UNC13C: variants seen among roughly 807,000 people sequenced by gnomAD.
UNC13C encodes protein unc-13 homolog C.
UNC13C carries 174 observed loss-of-function variants against 245.4 expected under a neutral mutation model. That is an observed-to-expected ratio of 0.71 (90% CI 0.63 to 0.80). The LOEUF is 0.80. UNC13C is among the 30% of genes least tolerant of loss of function. The pLI is 0.00. For synonymous variants in UNC13C, 992 were observed against 895.1 expected (o/e 1.11, Z -1.93); for missense variants, 2,829 against 2,602.9 (o/e 1.09, Z -1.89).
chr15:54,240,375 T>G (rs28550623), intron 7 of UNC13C, among the ~76,000 whole-genome samples: 1 of 152,134 alleles, frequency 6.6e-6, no homozygotes, highest in Non-Finnish European at 1.5e-5. Context: ...AATTTGCACT[T>G]CTTGGTGCTG....
chr15:54,184,285 CTTTAAG>C (rs1340424685), intron 4 of UNC13C, among the ~76,000 whole-genome samples: 2 of 151,930 alleles, frequency 1.3e-5, no homozygotes, highest in African/African-American at 4.8e-5. Flanking sequence ...TATTATTATA[CTTTAAG>C]TTTCAGGGTA....
chr15:54,218,792 A>G (rs1009204619), intron 4 of UNC13C, among the ~76,000 whole-genome samples: 5 of 151,968 alleles, frequency 3.3e-5, no homozygotes, highest in Admixed American at 3.3e-4. Flanking sequence ...ACTATTGATG[A>G]GGAGCTTCAG....
intron 4 of UNC13C, among the ~76,000 whole-genome samples, chr15:54,177,074 C>G (rs1280940679): frequency 6.6e-6 from 1 of 151,826 alleles, no homozygotes; most frequent in Non-Finnish European, 1.5e-5. Flanking sequence ...AATCTGAAAA[C>G]CTAAAGTGTT....
intron 19 of UNC13C, among the ~76,000 whole-genome samples, chr15:54,441,104 C>T (rs1169293273): frequency 6.6e-6 from 1 of 152,020 alleles, no homozygotes; most frequent in Non-Finnish European, 1.5e-5. Flanking sequence ...TCTCATTCTG[C>T]AGATTGTCTC....
chr15:54,552,085 C>G (rs970930905), intron 28 of UNC13C, among the ~76,000 whole-genome samples: 1 of 150,374 alleles, frequency 6.7e-6, no homozygotes, highest in Non-Finnish European at 1.5e-5. Context: ...TAAAGGAACA[C>G]AAGATCAAGA....
Position 54,015,794 on chromosome 15 carries a change from A to T in UNC13C, c.2891A>T (p.Lys964Met), listed in dbSNP as rs775940197. The change falls in exon 2 of 33, where the codon AAG becomes ATG. Residue 964 changes from lysine to methionine, a missense_variant. Lys to Met is a moderately conservative substitution (Grantham distance 95, BLOSUM62 -1). Transcript: ENST00000260323. Reference protein sequence around the residue: ...NIPEQPVEITKPKRIRPSFKE... With the variant: ...NIPEQPVEITMPKRIRPSFKE... ...CCTGAACAGCCAGTGGAGATCACAA[A>T]GCCAAAGAGAATTCGTCCTTCTTTC... The T allele has an allele frequency of 6.2e-6, 10 of 1,612,210 alleles. No homozygotes were observed. The African/African-American group carries it at 9.3e-5, about 15-fold the overall frequency.
chr15:54,317,887 C>G (rs920418037), intron 13 of UNC13C, among the ~76,000 whole-genome samples: 1 of 151,830 alleles, frequency 6.6e-6, no homozygotes, highest in African/African-American at 2.4e-5. Flanking sequence ...TCTTCCCAAC[C>G]CTGCACCCCC....
intron 2 of UNC13C, among the ~76,000 whole-genome samples, chr15:54,115,082 T>A (rs1256889775): frequency 6.6e-6 from 1 of 152,128 alleles, no homozygotes; most frequent in Non-Finnish European, 1.5e-5. Flanking sequence ...AAATATATAC[T>A]GTTCTTTTAT....
At chr15:53,841,650 G>C in the UNC13C span, among the ~76,000 whole-genome samples, 2 of 152,180 alleles carry the variant, frequency 1.3e-5, no homozygotes, top group Non-Finnish European at 1.5e-5. Context: ...CTGAGGAATA[G>C]AAAGTTTATG....
chr15:53,849,926 A>G, the UNC13C span, among the ~76,000 whole-genome samples: 1 of 152,210 alleles, frequency 6.6e-6, no homozygotes, highest in South Asian at 2.1e-4. Context: ...AAAAAATTAA[A>G]CAATGAATAA....
intron 30 of UNC13C, among the ~76,000 whole-genome samples, chr15:54,619,895 A>T (rs1032261505): frequency 3.3e-5 from 5 of 152,202 alleles, no homozygotes; most frequent in African/African-American, 7.2e-5. Flanking sequence ...TGGTATAAAC[A>T]TAGGGCCATG....
chr15:54,349,662 T>C (rs1490657822), intron 17 of UNC13C, among the ~76,000 whole-genome samples: 1 of 152,182 alleles, frequency 6.6e-6, no homozygotes, highest in Non-Finnish European at 1.5e-5. Flanking sequence ...TATGGGACAT[T>C]GGAACCTTCA....
chr15:53,927,187 AGAT>A, the UNC13C span, among the ~76,000 whole-genome samples: 1 of 152,240 alleles, frequency 6.6e-6, no homozygotes, highest in Admixed American at 6.5e-5. Context: ...AACACTCCCA[AGAT>A]GACAAAACTA....
chr15:54,203,734 A>G (rs1025955089), intron 4 of UNC13C, among the ~76,000 whole-genome samples: 5 of 134,422 alleles, frequency 3.7e-5, no homozygotes, highest in Non-Finnish European at 6.7e-5. Context: ...ATATACACAT[A>G]TACATATATA....
chr15:54,282,855 T>C (rs1300576092), intron 10 of UNC13C, among the ~76,000 whole-genome samples: 5 of 152,102 alleles, frequency 3.3e-5, no homozygotes, highest in African/African-American at 1.2e-4. Context: ...CAGGTCATCT[T>C]TGCTGGAGTC....
At chr15:54,162,903 C>G (rs2033029945) in intron 4 of UNC13C, among the ~76,000 whole-genome samples, 1 of 152,076 alleles carries the variant, frequency 6.6e-6, no homozygotes, top group Admixed American at 6.5e-5. Flanking sequence ...TGCAACATCA[C>G]TGAGTTTAAT....
chr15:54,525,481 C>T (rs1895410569), intron 24 of UNC13C, 68 bp from the exon 25 acceptor site: 3 of 1,161,168 alleles, frequency 2.6e-6, no homozygotes, highest in Non-Finnish European at 3.7e-6. Flanking sequence ...AATCAAAATG[C>T]TTGTAAGCAA....
At chr15:54,555,243 C>G (rs1244796637) in intron 28 of UNC13C, among the ~76,000 whole-genome samples, 189 bp from the exon 29 acceptor site, 4 of 151,974 alleles carry the variant, frequency 2.6e-5, no homozygotes, top group Non-Finnish European at 5.9e-5. Flanking sequence ...AAATATTGAA[C>G]ATTTCTTCCT....
chr15:54,061,718 AC>A (rs1357434531), intron 2 of UNC13C, among the ~76,000 whole-genome samples: 1 of 152,104 alleles, frequency 6.6e-6, no homozygotes, highest in Non-Finnish European at 1.5e-5. Flanking sequence ...ATTCTATAAA[AC>A]CTTTTCGTGA....
Sources: gnomAD v4.1 joint callset for allele counts (sites outside exome capture counted in the v4.1 genomes callset) on GRCh38, gnomAD v4.1.1 for gene constraint, MANE v1.5 for transcripts, NCBI Gene and HGNC (gene_info 2026-07-23, HGNC 2026-07-21) for gene names.